KANK2: variants seen among roughly 807,000 people sequenced by gnomAD.
KANK2 encodes the protein KN motif and ankyrin repeat domain-containing protein 2.
A neutral mutation model predicts 74.6 loss-of-function variants in KANK2; 41 were observed. The observed-to-expected ratio is 0.55, with a 90% confidence interval of 0.43 to 0.71. The LOEUF (loss-of-function observed/expected upper bound fraction) is 0.71, where lower values mean the gene tolerates loss of function less well. Ranked by LOEUF, KANK2 falls within the 30% of genes least tolerant of loss-of-function variation. KANK2 has a pLI of 0.00. For synonymous variants in KANK2, 537 were observed against 519.0 expected (o/e 1.03, Z -0.47); for missense variants, 1,148 against 1,196.4 (o/e 0.96, Z 0.60).
chr19:11,183,281 T>C (rs1423937175), intron 4 of KANK2, among the ~76,000 whole-genome samples: 9 of 149,960 alleles, frequency 6.0e-5, no homozygotes, highest in Non-Finnish European at 1.0e-4. Context: ...ACAGAGGGGG[T>C]TTCCCCAAGC....
intron 6 of KANK2, among the ~76,000 whole-genome samples, chr19:11,177,805 C>T (rs1032616280): frequency 6.6e-6 from 1 of 152,158 alleles, no homozygotes; most frequent in Non-Finnish European, 1.5e-5. Context: ...GCACCTCCCA[C>T]TTCTCGTGTC....
In KANK2 at chr19:11,169,877, C is replaced by T. The variant is rs747159452; in HGVS notation, c.2502G>A (p.Ser834=). Reference sequence around the variant, plus strand: ...CCTACCCGGCCGGATTGAGACTCACCGAGCACTTGATGTTCATGCGGGAAT... The same window carrying T: ...CCTACCCGGCCGGATTGAGACTCACTGAGCACTTGATGTTCATGCGGGAAT... ...MLYSRMNIKC[S]FAPMSDDESP... is the part of the protein sequence containing the mutation. Residue 834 remains serine (S), a splice_region_variant and synonymous_variant, in exon 12 of 13, where the codon TCG becomes TCA. Transcript: ENST00000586659. The T allele has an allele frequency of 1.9e-5, 30 of 1,613,226 alleles. No individual in the cohort carries two copies. The highest frequency in any genetic ancestry group is 5.3e-5 in the African/African-American group (4 of 74,928).
At chr19:11,188,425 G>A (rs1231791204) in intron 4 of KANK2, among the ~76,000 whole-genome samples, 2 of 151,596 alleles carry the variant, frequency 1.3e-5, no homozygotes, top group East Asian at 1.9e-4. Context: ...AGCTGGTCTC[G>A]AGCTCCTGAC....
At position 11,167,020 on chromosome 19, in the gene KANK2, G is replaced by C. The variant is rs559669125; in HGVS notation, c.2503-409C>G. On this transcript the variant is annotated intron_variant, in intron 12 of 12. Coordinates refer to ENST00000586659, the MANE Select transcript of KANK2 (RefSeq NM_001136191.3). ...AGAGAAACAGTAGTGGGGAAGGTGA[G>C]GGTGGTTGTGCAGGGCCTGGTGGGC... Among the ~76,000 whole-genome samples, 8 of 152,298 alleles carry C rather than the reference G, an allele frequency of 5.3e-5. No individual in the cohort carries two copies. In the South Asian group the frequency reaches 1.7e-3, roughly 32 times the overall value.
chr19:11,184,274 G>A (rs2078613103), intron 4 of KANK2, among the ~76,000 whole-genome samples: 1 of 150,034 alleles, frequency 6.7e-6, no homozygotes, highest in South Asian at 2.1e-4. Context: ...TACTCGGGAG[G>A]ATGAGGCAGG....
At position 11,169,862 on chromosome 19, in the gene KANK2, C is replaced by T. The variant is rs113611112; in HGVS notation, c.2502+15G>A. 2,700 of 1,609,314 alleles carry T rather than the reference C, an allele frequency of 1.7e-3. 48 individuals carry two copies. In the African/African-American group the frequency reaches 0.03, roughly 18 times the overall value. ...CCCACCCATCCCGTGCCTACCCGGCCGGATTGAGACTCACCGAGCACTTGA... is the reference window on the plus strand; with the variant it reads ...CCCACCCATCCCGTGCCTACCCGGCTGGATTGAGACTCACCGAGCACTTGA... On this transcript the variant is annotated intron_variant, in intron 12 of 12. Transcript: ENST00000586659.
intron 11 of KANK2, 25 bp from the exon 12 acceptor site, chr19:11,169,991 T>A (rs202132448): frequency 6.2e-7 from 1 of 1,613,590 alleles, no homozygotes; most frequent in East Asian, 2.2e-5. Context: ...GTGCTATGAA[T>A]GACGTCCCCA....
At chr19:11,181,241 TA>T (rs1210839538) in intron 4 of KANK2, among the ~76,000 whole-genome samples, 7 of 125,842 alleles carry the variant, frequency 5.6e-5, no homozygotes, top group Non-Finnish European at 1.0e-4. Flanking sequence ...CAAGATTTAT[TA>T]TTATTATTAT....
intron 4 of KANK2, among the ~76,000 whole-genome samples, chr19:11,182,251 A>G (rs917586390): frequency 3.3e-5 from 5 of 151,964 alleles, no homozygotes; most frequent in African/African-American, 9.7e-5. Context: ...ATGTTACCAC[A>G]ATATTGTAAA....
intron 4 of KANK2, among the ~76,000 whole-genome samples, chr19:11,180,210 C>T (rs981724612): frequency 6.6e-6 from 1 of 152,092 alleles, no homozygotes; most frequent in East Asian, 1.9e-4. Flanking sequence ...CCCCGGGGCG[C>T]CAACTCTGAA....
At chr19:11,177,686 C>T (rs760392243) in intron 6 of KANK2, among the ~76,000 whole-genome samples, 1 of 152,146 alleles carries the variant, frequency 6.6e-6, no homozygotes, top group Admixed American at 6.6e-5. Flanking sequence ...GATTCAGACT[C>T]CTGTTCCACT....
At position 11,175,859 on chromosome 19, in the gene KANK2, G is replaced by C. The variant is rs764070078; in HGVS notation, c.1848+43C>G. ...GAGGCCACGGGTGGGGTGGAGGTAGGGGTCCGGGGGGTGGCCAACCTAGGC... is the reference window on the plus strand; with the variant it reads ...GAGGCCACGGGTGGGGTGGAGGTAGCGGTCCGGGGGGTGGCCAACCTAGGC... On this transcript the variant is annotated intron_variant, in intron 8 of 12. Transcript: ENST00000586659. The C allele has an allele frequency of 1.3e-5, 19 of 1,483,464 alleles. No homozygotes were observed. The East Asian group carries it at 4.1e-4, about 32-fold the overall frequency. The allele number at this position is 1,483,464 out of a possible 1,614,324, so 91.9% of individuals were successfully genotyped here.
chr19:11,193,995 C>G lies in KANK2; in HGVS notation c.85G>C (p.Asp29His), dbSNP rs1037728538. The G allele has an allele frequency of 8.7e-6, 14 of 1,613,204 alleles. No homozygotes were observed. Among genetic ancestry groups the G allele is most frequent in the Non-Finnish European group, 1.2e-5 (14 of 1,179,528 alleles). The change falls in exon 4 of 13, where the codon GAT (aspartate) becomes CAT (histidine). Residue 29 changes from aspartate to histidine, a missense_variant. Transcript: ENST00000586659. The surrounding 1 kb of genome is among the most constrained non-coding windows in gnomAD (Gnocchi z 9.6). The stretch of plus-strand genomic sequence containing the variant: ...GGGGTCTCCACGGAGTAGGGTGGAT[C>G]GGGGTCCTTGGCAGGGAAGGCAGGT... Reference protein sequence around the residue: ...SPPAFPAKDPDPPYSVETPYG... With the variant: ...SPPAFPAKDPHPPYSVETPYG...
At chr19:11,181,664 T>C (rs570003882) in intron 4 of KANK2, among the ~76,000 whole-genome samples, 1 of 151,944 alleles carries the variant, frequency 6.6e-6, no homozygotes, top group Non-Finnish European at 1.5e-5. Context: ...ATGAGAAAGT[T>C]CTAAAGATGG....
rs778695998 is a variant in KANK2, at chr19:11,193,746, C to T, written c.334G>A (p.Gly112Ser). The T allele has an allele frequency of 3.7e-6, 6 of 1,612,546 alleles. No individual in the cohort carries two copies. The South Asian group carries it at 5.5e-5, about 15-fold the overall frequency. Residue 112 changes from glycine to serine, a missense_variant, in exon 4 of 13, where the codon GGT becomes AGT. Gly to Ser is a moderately conservative substitution (Grantham distance 56). Transcript: ENST00000586659. This position sits in a 1 kb window ranked among gnomAD's most constrained non-coding sequence, Gnocchi z 9.6. ...AAGCCACCGCGGGTCTCCAGAGCAC[C>T]ATACTGAGGGTAGAAGCCACGGCCG... The part of the protein sequence containing the change: ...YCGRGFYPQY[G>S]ALETRGGFNP...
Position 11,171,992 on chromosome 19 carries a change from T to C in KANK2, c.2211+989A>G, listed in dbSNP as rs1462993287. The stretch of plus-strand genomic sequence containing the variant: ...CCCGGCTAATTTTTTTTTTTTTTTT[T>C]TGAGACAGAGTCTCACTCTGTAGCC... On this transcript the variant is annotated intron_variant, in intron 10 of 12. Coordinates refer to ENST00000586659, the MANE Select transcript of KANK2 (RefSeq NM_001136191.3). Among the ~76,000 whole-genome samples, 6 of 149,620 alleles carry C rather than the reference T, an allele frequency of 4.0e-5. No individual in the cohort carries two copies. In the East Asian group the frequency reaches 1.2e-3, roughly 29 times the overall value.
chr19:11,177,713 C>T (rs2078386667), intron 6 of KANK2, among the ~76,000 whole-genome samples: 1 of 152,148 alleles, frequency 6.6e-6, no homozygotes, highest in African/African-American at 2.4e-5. Context: ...AGGGCTCTCT[C>T]GTGTTTCTTG....
In KANK2 at chr19:11,184,406, C is replaced by T. The variant is rs1327762993; in HGVS notation, c.1250-5686G>A. On this transcript the variant is annotated intron_variant, in intron 4 of 12. Transcript: ENST00000586659. ...CAAAAACAAAAACAAAAATGAAGAC[C>T]TCTGAGATCCTCATGGGTGCGGTGG... Among the ~76,000 whole-genome samples the T allele has an allele frequency of 1.4e-5, 2 of 143,116 alleles. 1 individual carries two copies. Among genetic ancestry groups the T allele is most frequent in the Admixed American group, 1.4e-4 (2 of 14,084 alleles). The allele number at this position is 143,116 out of a possible 152,430, so 93.9% of individuals were successfully genotyped here.
intron 4 of KANK2, among the ~76,000 whole-genome samples, chr19:11,181,499 C>T (rs897513005): frequency 4.6e-5 from 7 of 151,996 alleles, no homozygotes; most frequent in African/African-American, 9.7e-5. Flanking sequence ...CATCTGCCTC[C>T]GCCTCCGAAA....
Sources: allele counts gnomAD v4.1 joint callset (sites outside exome capture counted in the v4.1 genomes callset), GRCh38; gene constraint gnomAD v4.1.1; non-coding constraint Gnocchi (gnomAD v3.1); transcripts MANE v1.5; gene names NCBI Gene and HGNC (gene_info 2026-07-23, HGNC 2026-07-21).